Variants in FAM86B1 observed in about 807,000 individuals in gnomAD.
The protein encoded by FAM86B1 is putative protein N-methyltransferase FAM86B1.
For synonymous variants in FAM86B1, 4 were observed against 137.6 expected (o/e 0.03, Z 6.79); for missense variants, 13 against 328.1 (o/e 0.04, Z 7.42).
intron 1 of FAM86B1, among the ~76,000 whole-genome samples, chr8:12,192,998 G>C (rs1193738997): frequency 7.0e-6 from 1 of 143,466 alleles, no homozygotes; most frequent in Non-Finnish European, 1.5e-5. Flanking sequence ...CAGGCAGGCT[G>C]TCTCCTGGGT....
At chr8:12,186,033 AG>A in intron 5 of FAM86B1, 1 of 277,176 alleles carries the variant, frequency 3.6e-6, no homozygotes, top group Non-Finnish European at 6.2e-6. Context: ...CCTTCTCTCA[AG>A]GGCCCTGACC....
intron 5 of FAM86B1, chr8:12,186,091 A>G: frequency 3.2e-6 from 1 of 310,550 alleles, no homozygotes; most frequent in South Asian, 2.9e-5. Flanking sequence ...TGAAGGACAC[A>G]GGGCATGGCT....
chr8:12,188,136 T>C (rs1226557230), intron 3 of FAM86B1: 2 of 909,332 alleles, frequency 2.2e-6, no homozygotes, highest in South Asian at 3.5e-5. Flanking sequence ...GAGCACCTCG[T>C]ACAGTTTGTC....
chr8:12,190,934 C>G (rs1275660866), intron 2 of FAM86B1, among the ~76,000 whole-genome samples: 26 of 125,070 alleles, frequency 2.1e-4, no homozygotes, highest in African/African-American at 8.4e-4. Context: ...TGCTTCACCA[C>G]CTATGAGAGT....
chr8:12,182,845 T>C lies in FAM86B1; in HGVS notation c.*761A>G, dbSNP rs369180910. 0.025 allele frequency: 19,931 copies of C among 812,682 alleles called. 184 individuals are homozygous for C. The African/African-American group carries it at 0.25, about 10-fold the overall frequency. 50.3% of individuals were successfully genotyped at this position (812,682 alleles called of 1,614,324 possible). On this transcript the variant is annotated 3_prime_UTR_variant, in exon 7 of 7. Coordinates refer to ENST00000448228, the MANE Select transcript of FAM86B1 (RefSeq NM_001083537.4). Reference sequence around the variant, plus strand: ...AGAAGCTGAAATGACGGCAGTGGTGTCACCTGGTGAATGACCCGGGAAGCT... The same window carrying C: ...AGAAGCTGAAATGACGGCAGTGGTGCCACCTGGTGAATGACCCGGGAAGCT...
At position 12,193,089 on chromosome 8, in the gene FAM86B1, G is replaced by T. The variant is rs1282647934; in HGVS notation, c.96+886C>A. On this transcript the variant is annotated intron_variant, in intron 1 of 6. Coordinates refer to ENST00000448228, the MANE Select transcript of FAM86B1 (RefSeq NM_001083537.4). ...GATAATAATAGTACCCACCTGGTGG[G>T]TGTTGAGGGTGAGCCCAAGTTAGCA... 2.1e-5 allele frequency among the ~76,000 whole-genome samples: 3 copies of T among 143,958 alleles called. No homozygotes were observed. In the South Asian group the frequency reaches 6.4e-4, roughly 31 times the overall value. 94.4% of individuals were successfully genotyped at this position (143,958 alleles called of 152,430 possible).
intron 1 of FAM86B1, chr8:12,193,612 C>T (rs149506508): frequency 0.34 from 334,544 of 995,842 alleles, 18,254 homozygotes; most frequent in Non-Finnish European, 0.35. Flanking sequence ...GGTGGTTACC[C>T]GCGGGCCTGA....
At chr8:12,187,295 C>A (rs576741639) in intron 3 of FAM86B1, among the ~76,000 whole-genome samples, 4 of 18,136 alleles carry the variant, frequency 2.2e-4, no homozygotes, top group African/African-American at 4.3e-4. Context: ...TGGGTTCAAG[C>A]AATTCTCCTG....
chr8:12,192,951 G>A (rs1373630293), intron 1 of FAM86B1, among the ~76,000 whole-genome samples: 3 of 145,642 alleles, frequency 2.1e-5, no homozygotes, highest in Admixed American at 2.0e-4. Context: ...ACTTGCCCAA[G>A]GTCACACAGG....
chr8:12,184,070 C>CAAAA (rs143069000), intron 6 of FAM86B1, among the ~76,000 whole-genome samples: 8 of 47,546 alleles, frequency 1.7e-4, no homozygotes, highest in Admixed American at 2.5e-4. Flanking sequence ...GACTCTGTCT[C>CAAAA]AAAAAAAAAA....
Position 12,182,353 on chromosome 8 carries a change from C to A in FAM86B1, c.*1253G>T. ...GGGCACCAAGTGTGGGAAAGTGGGACATACGGGGAAGTTTCCAGAAAGCAT... is the reference window on the plus strand; with the variant it reads ...GGGCACCAAGTGTGGGAAAGTGGGAAATACGGGGAAGTTTCCAGAAAGCAT... On this transcript the variant is annotated 3_prime_UTR_variant, in exon 7 of 7. Transcript: ENST00000448228. 1 of 498,874 alleles carries A rather than the reference C, an allele frequency of 2.0e-6. No homozygotes were observed. The highest frequency in any genetic ancestry group is 3.6e-6 in the Non-Finnish European group (1 of 278,532). The allele number at this position is 498,874 out of a possible 1,614,324, so 30.9% of individuals were successfully genotyped here.
intron 6 of FAM86B1, 52 bp from the exon 7 acceptor site, chr8:12,183,758 AGC>A (rs1257325162): frequency 1.6e-6 from 1 of 642,088 alleles, no homozygotes; most frequent in Non-Finnish European, 2.8e-6. Flanking sequence ...ACAGGACATG[AGC>A]GTTTTGTGTG....
chr8:12,192,838 C>A (rs1177937171), intron 1 of FAM86B1, among the ~76,000 whole-genome samples: 2 of 150,588 alleles, frequency 1.3e-5, no homozygotes, highest in Non-Finnish European at 2.9e-5. Context: ...AGGCACTGAT[C>A]CGCAGGCATT....
At chr8:12,192,793 C>T (rs1484798656) in intron 1 of FAM86B1, among the ~76,000 whole-genome samples, 1 of 150,058 alleles carries the variant, frequency 6.7e-6, no homozygotes, top group Admixed American at 6.6e-5. Flanking sequence ...CTGAAGAAAA[C>T]ACTAGCTAAC....
intron 1 of FAM86B1, among the ~76,000 whole-genome samples, chr8:12,192,514 T>C (rs1374864508): frequency 3.8e-5 from 5 of 131,826 alleles, no homozygotes; most frequent in African/African-American, 1.8e-4. Flanking sequence ...ACCCTTCCCA[T>C]GGCTGGCTGC....
In FAM86B1 at chr8:12,182,426, G is replaced by C; in HGVS notation, c.*1180C>G. ...GCTGCTGGGTTGTGAAGGGTCTCAA[G>C]TCCAAGTGAGGGGGGTTGTGAAGGG... On this transcript the variant is annotated 3_prime_UTR_variant, in exon 7 of 7. Coordinates refer to ENST00000448228, the MANE Select transcript of FAM86B1 (RefSeq NM_001083537.4). The C allele has an allele frequency of 1.8e-6, 2 of 1,086,228 alleles. No homozygotes were observed. Among genetic ancestry groups the C allele is most frequent in the Non-Finnish European group, 2.6e-6 (2 of 766,470 alleles). 67.3% of individuals were successfully genotyped at this position (1,086,228 alleles called of 1,614,324 possible).
At chr8:12,191,110 C>A (rs2150745658) in intron 2 of FAM86B1, among the ~76,000 whole-genome samples, 2 of 133,202 alleles carry the variant, frequency 1.5e-5, no homozygotes, top group African/African-American at 3.1e-5. Context: ...TTCACCGGGG[C>A]TCCTAGGATG....
At chr8:12,192,845 C>A (rs1807141734) in intron 1 of FAM86B1, among the ~76,000 whole-genome samples, 1 of 150,468 alleles carries the variant, frequency 6.6e-6, no homozygotes, top group Non-Finnish European at 1.5e-5. Context: ...GATCCGCAGG[C>A]ATTTGTACTC....
intron 1 of FAM86B1, among the ~76,000 whole-genome samples, chr8:12,192,507 C>A (rs1326825956): frequency 3.8e-5 from 5 of 131,498 alleles, no homozygotes; most frequent in Non-Finnish European, 4.7e-5. Context: ...TCCCCAAACC[C>A]TTCCCATGGC....
Sources: gnomAD v4.1 joint callset for allele counts (sites outside exome capture counted in the v4.1 genomes callset) on GRCh38, gnomAD v4.1.1 for gene constraint, MANE v1.5 for transcripts, NCBI Gene and HGNC (gene_info 2026-07-23, HGNC 2026-07-21) for gene names.